Variants in EFHC2 observed in about 807,000 individuals in gnomAD.
EFHC2 encodes EF-hand domain-containing family member C2.
EFHC2 carries 18 observed loss-of-function variants against 52.7 expected under a neutral mutation model. That is an observed-to-expected ratio of 0.34 (90% CI 0.24 to 0.51). The LOEUF (loss-of-function observed/expected upper bound fraction) is 0.51. Among genes scored for constraint, EFHC2 ranks in the 20% least tolerant of loss-of-function variants. The probability of loss-of-function intolerance (pLI) is 0.97; values close to 1 mark genes in which losing one functional copy is unlikely to be tolerated. For synonymous variants in EFHC2, 203 were observed against 204.1 expected (o/e 0.99, Z 0.04); for missense variants, 513 against 562.5 (o/e 0.91, Z 0.89).
At chrX:44,172,428 G>A (rs775883355) in intron 13 of EFHC2, among the ~76,000 whole-genome samples, 4 of 112,706 alleles carry the variant, frequency 3.5e-5, no homozygotes, top group African/African-American at 1.3e-4. Flanking sequence ...CAGAGGGGTT[G>A]AGTAAATGCC....
At position 44,308,496 on chromosome X, in the gene EFHC2, A is replaced by C. The variant is rs1343477994; in HGVS notation, c.231+4072T>G. Among the ~76,000 whole-genome samples, 14 of 111,832 alleles carry C rather than the reference A, an allele frequency of 1.3e-4. No homozygotes were observed. The Admixed American group carries it at 1.3e-3, about 11-fold the overall frequency. ...ATTGGGGAAAATATAGTGAGAAATA[A>C]AATGGAACGGCTTCTCACACATATG... On this transcript the variant is annotated intron_variant, in intron 2 of 14. Coordinates refer to ENST00000420999, the MANE Select transcript of EFHC2 (RefSeq NM_025184.4).
chrX:44,219,210 T>C (rs2037176054), intron 11 of EFHC2, among the ~76,000 whole-genome samples: 1 of 108,209 alleles, frequency 9.2e-6, no homozygotes, highest in Non-Finnish European at 1.9e-5. Context: ...ACCTCTTGAA[T>C]GGCAGATGTG....
chrX:44,200,597 A>T (rs980742354), intron 11 of EFHC2, among the ~76,000 whole-genome samples: 3 of 111,662 alleles, frequency 2.7e-5, no homozygotes, highest in African/African-American at 9.7e-5. Flanking sequence ...AATGAAAAAT[A>T]AATGAAAAGA....
At chrX:44,303,572 A>G (rs1029032558) in intron 2 of EFHC2, among the ~76,000 whole-genome samples, 22 of 109,288 alleles carry the variant, frequency 2.0e-4, no homozygotes, top group African/African-American at 7.3e-4. Context: ...GACATCCCAC[A>G]GTTGCTTAGG....
chrX:44,286,785 G>A (rs995879219), intron 2 of EFHC2, among the ~76,000 whole-genome samples: 5 of 109,212 alleles, frequency 4.6e-5, no homozygotes, highest in African/African-American at 6.7e-5. Flanking sequence ...AGGCCGAGGC[G>A]AGCGGATCAC....
At chrX:44,211,913 C>T (rs1241703458) in intron 11 of EFHC2, among the ~76,000 whole-genome samples, 1 of 106,120 alleles carries the variant, frequency 9.4e-6, no homozygotes, top group Non-Finnish European at 1.9e-5. Context: ...AAGAACTCTT[C>T]TTAGATCTGT....
At chrX:44,251,389 C>T (rs1279519253) in intron 4 of EFHC2, among the ~76,000 whole-genome samples, 2 of 103,455 alleles carry the variant, frequency 1.9e-5, no homozygotes, top group Admixed American at 1.1e-4. Context: ...CACAGTGGGT[C>T]GATCACTTGA....
At chrX:44,190,825 G>T (rs1232827836) in intron 11 of EFHC2, among the ~76,000 whole-genome samples, 1 of 110,681 alleles carries the variant, frequency 9.0e-6, no homozygotes, top group Admixed American at 9.7e-5. Context: ...AGGTGAGCTG[G>T]CATGTCTATA....
At position 44,209,017 on chromosome X, in the gene EFHC2, A is replaced by G. The variant is rs970580494; in HGVS notation, c.1751+20632T>C. ...ATGCATGATACTGGGTTGATTGGCAATCTGTGTGTGTGTGTGTGTGTGTGT... is the reference window on the plus strand; with the variant it reads ...ATGCATGATACTGGGTTGATTGGCAGTCTGTGTGTGTGTGTGTGTGTGTGT... On this transcript the variant is annotated intron_variant, in intron 11 of 14. Coordinates refer to ENST00000420999, the MANE Select transcript of EFHC2 (RefSeq NM_025184.4). Among the ~76,000 whole-genome samples, 5 of 84,103 alleles carry G rather than the reference A, an allele frequency of 5.9e-5. No individual in the cohort carries two copies. In the South Asian group the frequency reaches 2.2e-3, roughly 37 times the overall value. 73.0% of individuals were successfully genotyped at this position (84,103 alleles called of 115,157 possible).
intron 1 of EFHC2, among the ~76,000 whole-genome samples, chrX:44,316,906 A>C (rs1904408068): frequency 1.8e-5 from 2 of 112,111 alleles, no homozygotes; most frequent in Admixed American, 1.9e-4. Context: ...TACAACAGTT[A>C]CTACTGTTAG....
chrX:44,324,550 C>A (rs1204183382), intron 1 of EFHC2, among the ~76,000 whole-genome samples: 2 of 111,059 alleles, frequency 1.8e-5, no homozygotes, highest in African/African-American at 6.6e-5. Context: ...GCAAACCCAC[C>A]TCCCCCAACC....
At chrX:44,207,419 G>A (rs1357126954) in intron 11 of EFHC2, among the ~76,000 whole-genome samples, 1 of 111,024 alleles carries the variant, frequency 9.0e-6, no homozygotes, top group African/African-American at 3.3e-5. Flanking sequence ...GCTGAGGTAG[G>A]AGAACTGCTT....
intron 1 of EFHC2, among the ~76,000 whole-genome samples, chrX:44,320,522 T>G (rs189906414): frequency 3.0e-4 from 34 of 111,901 alleles, no homozygotes; most frequent in African/African-American, 1.1e-3. Flanking sequence ...AGTCAATTTA[T>G]GATTTCCATA....
At chrX:44,220,181 T>C (rs1036167231) in intron 11 of EFHC2, among the ~76,000 whole-genome samples, 2 of 111,486 alleles carry the variant, frequency 1.8e-5, no homozygotes, top group African/African-American at 6.5e-5. Flanking sequence ...CACACAACTT[T>C]TACATTTTTG....
intron 2 of EFHC2, among the ~76,000 whole-genome samples, chrX:44,282,349 A>T (rs2037708636): frequency 9.5e-6 from 1 of 105,295 alleles, no homozygotes; most frequent in Non-Finnish European, 1.9e-5. Context: ...CACACCTGTA[A>T]TCCCAGCACT....
chrX:44,201,675 G>GA (rs1322492852), intron 11 of EFHC2, among the ~76,000 whole-genome samples: 2 of 111,147 alleles, frequency 1.8e-5, no homozygotes, highest in Non-Finnish European at 3.8e-5. Flanking sequence ...TCTACCCACT[G>GA]AAAAAAGGAA....
intron 2 of EFHC2, among the ~76,000 whole-genome samples, chrX:44,307,684 A>C (rs780757188): frequency 8.9e-6 from 1 of 111,897 alleles, no homozygotes; most frequent in South Asian, 3.7e-4. Context: ...CTGTAATCCC[A>C]GCACTTTAGG....
intron 11 of EFHC2, among the ~76,000 whole-genome samples, chrX:44,223,510 T>A (rs1447071348): frequency 1.8e-5 from 2 of 110,624 alleles, no homozygotes; most frequent in Non-Finnish European, 3.8e-5. Context: ...AATTCCTTTT[T>A]TTTTTGCTTA....
At chrX:44,210,315 T>C (rs981397012) in intron 11 of EFHC2, among the ~76,000 whole-genome samples, 8 of 112,316 alleles carry the variant, frequency 7.1e-5, no homozygotes, top group Non-Finnish European at 1.3e-4. Context: ...GGGTTTGTTA[T>C]AGAAATTGAC....
Sources: gnomAD v4.1 joint callset for allele counts (sites outside exome capture counted in the v4.1 genomes callset) on GRCh38, gnomAD v4.1.1 for gene constraint, MANE v1.5 for transcripts, NCBI Gene and HGNC (gene_info 2026-07-23, HGNC 2026-07-21) for gene names.